Variants in PBX3 observed in about 807,000 individuals in gnomAD.
PBX3 encodes pre-B-cell leukemia transcription factor 3.
Under a neutral mutation model 48.5 loss-of-function variants are expected in PBX3, and 14 were observed. That is an observed-to-expected ratio of 0.29 (90% CI 0.19 to 0.45). PBX3 has a LOEUF of 0.45. PBX3 is among the 20% of genes least tolerant of loss of function. The pLI, the probability that PBX3 is intolerant of heterozygous loss-of-function variation, is 1.00. For synonymous variants in PBX3, 210 were observed against 200.3 expected, an observed-to-expected ratio of 1.05 and a Z score of -0.41; for missense variants, 386 against 546.7, an observed-to-expected ratio of 0.71 and a Z score of 2.93.
At chr9:125,951,878 T>G (rs1007324397) in intron 5 of PBX3, among the ~76,000 whole-genome samples, 23 of 152,226 alleles carry the variant, frequency 1.5e-4, no homozygotes, top group Non-Finnish European at 2.2e-4. Context: ...CCAGCCTTTC[T>G]GTCCTTATAG....
chr9:125,879,827 G>A (rs1325804615), intron 2 of PBX3, among the ~76,000 whole-genome samples: 3 of 152,016 alleles, frequency 2.0e-5, no homozygotes, highest in Admixed American at 2.0e-4. Flanking sequence ...TTCCAAATAT[G>A]CTTTTGGAAG....
intron 2 of PBX3, among the ~76,000 whole-genome samples, chr9:125,802,576 C>G (rs1312679171): frequency 1.3e-5 from 2 of 151,948 alleles, no homozygotes; most frequent in Non-Finnish European, 2.9e-5. Context: ...ACTATGTTGT[C>G]CAGGCTGGTC....
At chr9:125,832,923 A>G (rs542535444) in intron 2 of PBX3, among the ~76,000 whole-genome samples, 2 of 152,202 alleles carry the variant, frequency 1.3e-5, no homozygotes, top group African/African-American at 4.8e-5. Flanking sequence ...AGGAAATGTC[A>G]TCTGTGGTTT....
At chr9:125,915,989 G>A in intron 3 of PBX3, 62 bp downstream of exon 3, 2 of 1,580,564 alleles carry the variant, frequency 1.3e-6, no homozygotes, top group Admixed American at 3.4e-5. Flanking sequence ...ATTAGACCAT[G>A]CTAACCAATT....
Position 125,747,638 on chromosome 9 carries a change from A to G in PBX3, c.185A>G (p.Asp62Gly). The G allele has an allele frequency of 6.3e-7, 1 of 1,592,308 alleles. No individual in the cohort carries two copies. The highest frequency in any genetic ancestry group is 8.5e-7 in the Non-Finnish European group (1 of 1,169,874). ...QIMTITDQSL[D>G]EAQAKKHALN... ...ATGACCATCACCGACCAGAGCTTGG[A>G]CGAGGCGCAAGCAAAGTTGGTGTCG... Residue 62 changes from aspartate (D) to glycine (G), a missense_variant, in exon 1 of 9, where the codon GAC becomes GGC. Around this residue, in one of 4 missense-constraint regions of PBX3, gnomAD observed 116 missense variants for 98.2 expected, o/e 1.18. Coordinates refer to ENST00000373489, the MANE Select transcript of PBX3 (RefSeq NM_006195.6).
chr9:125,953,780 G>A (rs1052640437), intron 5 of PBX3, among the ~76,000 whole-genome samples: 1 of 91,904 alleles, frequency 1.1e-5, no homozygotes, highest in Non-Finnish European at 2.8e-5. Context: ...AAGTCTTTAC[G>A]CATACCCAGT....
chr9:125,799,878 G>A (rs1837888270), intron 2 of PBX3, among the ~76,000 whole-genome samples: 1 of 152,080 alleles, frequency 6.6e-6, no homozygotes, highest in Admixed American at 6.6e-5. Flanking sequence ...ATTCAATTCT[G>A]TCTAATTTTT....
intron 2 of PBX3, among the ~76,000 whole-genome samples, chr9:125,852,497 G>A (rs1839610691): frequency 6.6e-6 from 1 of 152,074 alleles, no homozygotes; most frequent in Non-Finnish European, 1.5e-5. Context: ...TTTGGCTTTC[G>A]GAACAATTGA....
At chr9:125,952,818 A>G (rs934402748) in intron 5 of PBX3, among the ~76,000 whole-genome samples, 5 of 152,112 alleles carry the variant, frequency 3.3e-5, no homozygotes, top group African/African-American at 7.2e-5. Flanking sequence ...AAAAATCCTA[A>G]TGCTTGCTGA....
intron 2 of PBX3, among the ~76,000 whole-genome samples, chr9:125,801,551 C>A (rs912160658): frequency 6.6e-6 from 1 of 152,026 alleles, no homozygotes; most frequent in Admixed American, 6.6e-5. Flanking sequence ...TTACAAACAC[C>A]TTTTCACATA....
intron 3 of PBX3, among the ~76,000 whole-genome samples, chr9:125,925,390 T>A (rs1167234541): frequency 1.3e-5 from 2 of 152,178 alleles, no homozygotes; most frequent in East Asian, 3.8e-4. Context: ...ACACTAGATT[T>A]CAAAGAGTAC....
intron 5 of PBX3, among the ~76,000 whole-genome samples, chr9:125,946,198 C>T (rs1169747636): frequency 6.6e-6 from 1 of 152,140 alleles, no homozygotes; most frequent in Non-Finnish European, 1.5e-5. Context: ...TATTCCTTGA[C>T]ATTGGATTGC....
chr9:125,766,656 A>G (rs2131989640), intron 2 of PBX3, among the ~76,000 whole-genome samples: 1 of 152,276 alleles, frequency 6.6e-6, no homozygotes, highest in Non-Finnish European at 1.5e-5. Flanking sequence ...TTGCTGACAC[A>G]GAATATTTTG....
In PBX3 at chr9:125,747,498, C is replaced by T. The variant is rs1320055799; in HGVS notation, c.45C>T (p.Asn15=). The stretch of plus-strand genomic sequence containing the variant: ...TGCTGCAGACTCTGGCCGGGGTGAA[C>T]CTGGCTGGCCACTCGGTGCAGGGGG... ...SRMLQTLAGV[N]LAGHSVQGGM... Residue 15 remains asparagine (N), a synonymous_variant, in exon 1 of 9, where the codon AAC becomes AAT. Transcript: ENST00000373489. 1.3e-6 allele frequency: 2 copies of T among 1,586,708 alleles called. No homozygotes were observed. Among genetic ancestry groups the T allele is most frequent in the Non-Finnish European group, 1.7e-6 (2 of 1,167,980 alleles).
At chr9:125,913,683 A>T (rs1289783779) in intron 2 of PBX3, among the ~76,000 whole-genome samples, 1 of 152,174 alleles carries the variant, frequency 6.6e-6, no homozygotes, top group South Asian at 2.1e-4. Flanking sequence ...AAAGTACTTC[A>T]CCACATGTCC....
chr9:125,804,665 G>T (rs1385537670), intron 2 of PBX3, among the ~76,000 whole-genome samples: 9 of 152,084 alleles, frequency 5.9e-5, no homozygotes, highest in Non-Finnish European at 5.9e-5. Flanking sequence ...ACAGGTGGGC[G>T]TGGTGGCTCA....
chr9:125,881,630 A>T (rs1181461157), intron 2 of PBX3, among the ~76,000 whole-genome samples: 1 of 151,892 alleles, frequency 6.6e-6, no homozygotes, highest in South Asian at 2.1e-4. Flanking sequence ...TTTAATTATT[A>T]AAAATAGAGA....
chr9:125,950,907 T>C (rs1356836245), intron 5 of PBX3, among the ~76,000 whole-genome samples: 1 of 152,204 alleles, frequency 6.6e-6, no homozygotes, highest in African/African-American at 2.4e-5. Context: ...TTTGTAGACC[T>C]CACCACTTAA....
At chr9:125,859,253 C>T (rs1163192341) in intron 2 of PBX3, among the ~76,000 whole-genome samples, 3 of 152,106 alleles carry the variant, frequency 2.0e-5, no homozygotes, top group Admixed American at 6.5e-5. Flanking sequence ...GTCGGTCTTC[C>T]CTGTTATTTT....
Sources: gnomAD v4.1 joint callset for allele counts (sites outside exome capture counted in the v4.1 genomes callset) on GRCh38, gnomAD v4.1.1 for gene constraint, gnomAD v4.1.1 regional missense constraint, MANE v1.5 for transcripts, NCBI Gene and HGNC (gene_info 2026-07-23, HGNC 2026-07-21) for gene names.